TSR1: variants seen among roughly 807,000 people sequenced by gnomAD.
The protein encoded by TSR1 is pre-rRNA-processing protein TSR1 homolog.
In TSR1, 81 loss-of-function variants were observed where a neutral mutation model predicts 90.9. The ratio of observed to expected loss-of-function variants is 0.89; its 90% CI spans 0.74 to 1.07. The LOEUF is 1.07. Ranked by LOEUF, TSR1 falls within the 50% of genes least tolerant of loss-of-function variation. The probability of loss-of-function intolerance (pLI) is 0.00; values close to 1 mark genes in which losing one functional copy is unlikely to be tolerated. For synonymous variants in TSR1, 362 were observed against 348.8 expected, an observed-to-expected ratio of 1.04 and a Z score of -0.42; for missense variants, 989 against 987.3, an observed-to-expected ratio of 1.00 and a Z score of -0.02.
chr17:2,323,647 A>G lies in TSR1; in HGVS notation c.*549T>C, dbSNP rs1377170903. ...TTCACTAATTCCTACTCCCTTCCAT[A>G]TCAACAGTGTGCAACCCAGCTGGTG... On this transcript the variant is annotated 3_prime_UTR_variant, in exon 15 of 15. Transcript: ENST00000301364. 3 of 1,613,894 alleles carry G rather than the reference A, an allele frequency of 1.9e-6. No homozygotes were observed. The highest frequency in any genetic ancestry group is 2.5e-6 in the Non-Finnish European group (3 of 1,179,828).
intron 8 of TSR1, 118 bp from the exon 9 acceptor site, chr17:2,331,227 C>T: frequency 1.2e-6 from 1 of 804,372 alleles, no homozygotes; most frequent in Non-Finnish European, 1.8e-6. Flanking sequence ...CATCCTCTCT[C>T]CAAACAACCC....
intron 11 of TSR1, among the ~76,000 whole-genome samples, chr17:2,327,444 A>C (rs1433540664): frequency 1.3e-5 from 2 of 151,284 alleles, no homozygotes; most frequent in Non-Finnish European, 2.9e-5. Context: ...AATTGTAGAG[A>C]CCGGAGTCTC....
chr17:2,333,650 C>T lies in TSR1; in HGVS notation c.1048G>A (p.Gly350Ser). 6.2e-7 allele frequency: 1 copy of T among 1,614,096 alleles called. No homozygotes were observed. The highest frequency in any genetic ancestry group is 8.5e-7 in the Non-Finnish European group (1 of 1,180,032). ...TCTGCTTGCAAGGATTCCTGTCTAC[C>T]AGGGTCTGCCTTCATTAGGACTTTA... ...GLKVLMKADP[G>S]RQESLQAEVI... The change falls in exon 6 of 15, where the codon GGT becomes AGT. Residue 350 changes from glycine to serine, a missense_variant. Gly to Ser is a moderately conservative substitution (Grantham distance 56). Transcript: ENST00000301364.
At chr17:2,330,320 T>C in intron 10 of TSR1, 195 bp downstream of exon 10, 1 of 714,152 alleles carries the variant, frequency 1.4e-6, no homozygotes, top group South Asian at 1.4e-5. Context: ...ATCACTGAGA[T>C]GCTTCAGACA....
At chr17:2,324,609 G>GA in intron 13 of TSR1, 31 bp from the exon 14 acceptor site, 3 of 1,613,982 alleles carry the variant, frequency 1.9e-6, no homozygotes, top group Non-Finnish European at 2.5e-6. Flanking sequence ...AGACCAAGAT[G>GA]AAACATTTAC....
intron 4 of TSR1, 138 bp downstream of exon 4, chr17:2,335,122 A>C (rs1402369249): frequency 2.7e-6 from 3 of 1,118,410 alleles, no homozygotes; most frequent in Middle Eastern, 3.0e-4. Context: ...GATAATCTGT[A>C]AACAATGGAT....
rs1030071318 is a variant in TSR1 at position 2,323,433 on chromosome 17, C to A, written c.*763G>T. On this transcript the variant is annotated 3_prime_UTR_variant, in exon 15 of 15. Coordinates refer to ENST00000301364, the MANE Select transcript of TSR1 (RefSeq NM_018128.5). ...TCCCTTAGGAGTAGCAAGTGACCCACGGGAACCTGACTAGGTAACTTCATG... is the reference window on the plus strand; with the variant it reads ...TCCCTTAGGAGTAGCAAGTGACCCAAGGGAACCTGACTAGGTAACTTCATG... 1 of 1,473,884 alleles carries A rather than the reference C, an allele frequency of 6.8e-7. No homozygotes were observed. Among genetic ancestry groups the A allele is most frequent in the Admixed American group, 1.8e-5 (1 of 56,342 alleles). The allele number at this position is 1,473,884 out of a possible 1,614,324, so 91.3% of individuals were successfully genotyped here.
chr17:2,323,566 CA>C lies in TSR1; in HGVS notation c.*629del. ...GTGTGTACACAGTGATAAGAAAATT[CA>C]AACTGGACACGTATTCTCATCTGAA... On this transcript the variant is annotated 3_prime_UTR_variant, in exon 15 of 15. Transcript: ENST00000301364. 1 of 1,397,022 alleles carries C rather than the reference CA, an allele frequency of 7.2e-7. No homozygotes were observed. 86.5% of individuals were successfully genotyped at this position (1,397,022 alleles called of 1,614,324 possible). A position where few individuals can be genotyped will look rare whatever the true frequency, so the allele number is the denominator to read the frequency against.
Position 2,332,265 on chromosome 17 carries a change from GCTT to G in TSR1, c.1397_1399del (p.Glu466del). 1.9e-6 allele frequency: 3 copies of G among 1,613,930 alleles called. No individual in the cohort carries two copies. The highest frequency in any genetic ancestry group is 2.5e-6 in the Non-Finnish European group (3 of 1,179,976). On this transcript the variant is annotated inframe_deletion, in exon 8 of 15. Transcript: ENST00000301364. ...ATATTTCTCCAACATTTTTGCCTCA[GCTT>G]CTTCATCTACTTTCTTATCATACAG...
intron 4 of TSR1, 129 bp downstream of exon 4, chr17:2,335,131 A>G: frequency 8.7e-7 from 1 of 1,145,846 alleles, no homozygotes; most frequent in South Asian, 1.6e-5. Flanking sequence ...TAAACAATGG[A>G]TCAAGTTTAA....
chr17:2,335,949 C>T (rs1019801481), intron 2 of TSR1, 88 bp downstream of exon 2: 2 of 1,421,176 alleles, frequency 1.4e-6, no homozygotes, highest in African/African-American at 2.8e-5. Flanking sequence ...GTCCCTGGAC[C>T]CTCCTCCCGG....
At chr17:2,331,326 T>C (rs1048354211) in intron 8 of TSR1, among the ~76,000 whole-genome samples, 20 of 152,238 alleles carry the variant, frequency 1.3e-4, no homozygotes, top group African/African-American at 4.8e-4. Context: ...AAAAAGATGC[T>C]TGGTAATGGC....
At chr17:2,324,653 A>C in intron 13 of TSR1, 36 bp downstream of exon 13, 7 of 1,614,054 alleles carry the variant, frequency 4.3e-6, no homozygotes, top group Non-Finnish European at 5.9e-6. Context: ...TATACCACAA[A>C]GGCAATCAGA....
intron 12 of TSR1, 125 bp from the exon 13 acceptor site, chr17:2,324,954 G>C: frequency 9.2e-7 from 1 of 1,081,888 alleles, no homozygotes; most frequent in Non-Finnish European, 1.3e-6. Flanking sequence ...CCAATCTGAG[G>C]CTAAGATTGG....
chr17:2,332,910 C>T (rs2064017245), intron 7 of TSR1, 51 bp downstream of exon 7: 1 of 1,575,194 alleles, frequency 6.3e-7, no homozygotes, highest in Non-Finnish European at 8.6e-7. Flanking sequence ...CTGCACTTTG[C>T]CTTACATTTG....
At chr17:2,333,423 G>A in intron 6 of TSR1, 134 bp downstream of exon 6, 4 of 1,061,672 alleles carry the variant, frequency 3.8e-6, no homozygotes, top group Non-Finnish European at 5.7e-6. Flanking sequence ...AAAACATACA[G>A]CATTTGAGGG....
At position 2,333,566 on chromosome 17, in the gene TSR1, C is replaced by G. The variant is rs191823941; in HGVS notation, c.1132G>C (p.Glu378Gln). Residue 378 changes from glutamate (E) to glutamine (Q), a missense_variant, in exon 6 of 15, where the codon GAG (glutamate) becomes CAG (glutamine). Transcript: ENST00000301364. ...GTTTACCAATACTGACCCTTTGCCT[C>G]GCTCAGCTCCTCCTCAGTGGGCCAG... Reference protein sequence around the residue: ...QTWPTEEELSEAKDFLKESSK... With the variant: ...QTWPTEEELSQAKDFLKESSK... The G allele has an allele frequency of 2.9e-5, 47 of 1,614,004 alleles. No individual in the cohort carries two copies. In the South Asian group the frequency reaches 5.2e-4, roughly 18 times the overall value.
chr17:2,330,214 C>T (rs2075596867), intron 10 of TSR1: 1 of 519,280 alleles, frequency 1.9e-6, no homozygotes, highest in South Asian at 1.4e-5. Context: ...AGCCGCCGCG[C>T]CCAGCCAAAC....
Position 2,324,175 on chromosome 17 carries a change from G to A in TSR1, c.*21C>T, listed in dbSNP as rs140951255. ...CTGGAGTACTGACTGGCACCGGTAA[G>A]ACAGAATCTCTTTGAATCCATTACT... On this transcript the variant is annotated 3_prime_UTR_variant, in exon 15 of 15. Transcript: ENST00000301364. The A allele has an allele frequency of 8.2e-4, 1,241 of 1,514,494 alleles. 20 individuals carry two copies. In the East Asian group the frequency reaches 0.026, roughly 32 times the overall value. The allele number at this position is 1,514,494 out of a possible 1,614,324, so 93.8% of individuals were successfully genotyped here.
Sources: allele counts gnomAD v4.1 joint callset (sites outside exome capture counted in the v4.1 genomes callset), GRCh38; gene constraint gnomAD v4.1.1; transcripts MANE v1.5; gene names NCBI Gene and HGNC (gene_info 2026-07-23, HGNC 2026-07-21).